CD160: variants seen among roughly 807,000 people sequenced by gnomAD.
CD160 encodes the protein CD160 antigen.
Under a neutral mutation model 19.2 loss-of-function variants are expected in CD160, and 11 were observed. That is an observed-to-expected ratio of 0.57 (90% CI 0.36 to 0.95). CD160 has a LOEUF of 0.95. CD160 is among the 40% of genes least tolerant of loss of function. The pLI, the probability that CD160 is intolerant of heterozygous loss-of-function variation, is 0.01. For synonymous variants in CD160, 75 were observed against 81.1 expected, an observed-to-expected ratio of 0.93 and a Z score of 0.40; for missense variants, 182 against 213.2, an observed-to-expected ratio of 0.85 and a Z score of 0.91.
chr1:145,733,813 T>C (rs1657384727), intron 4 of CD160, among the ~76,000 whole-genome samples: 1 of 152,094 alleles, frequency 6.6e-6, no homozygotes, highest in Admixed American at 6.6e-5. Context: ...TTCAACCTTT[T>C]CTCTTTACTC....
chr1:145,722,342 C>T (rs992324264), intron 1 of CD160, among the ~76,000 whole-genome samples: 2 of 152,064 alleles, frequency 1.3e-5, no homozygotes, highest in African/African-American at 4.8e-5. Flanking sequence ...AAGAAACTTG[C>T]CCAATATTAC....
intron 2 of CD160, among the ~76,000 whole-genome samples, chr1:145,725,398 T>C (rs1322545371): frequency 6.6e-6 from 1 of 152,056 alleles, no homozygotes; most frequent in Non-Finnish European, 1.5e-5. Flanking sequence ...TAAGCCAAGA[T>C]CGTGCCACTG....
chr1:145,737,384 C>A (rs1657540491), intron 5 of CD160: 1 of 152,238 alleles, frequency 6.6e-6, no homozygotes, highest in South Asian at 2.1e-4. Flanking sequence ...TTCACCACCC[C>A]ATTCATTCTG....
chr1:145,737,770 A>AAT lies in CD160; in HGVS notation c.539-716_539-715insAT, dbSNP rs1256107626. On this transcript the variant is annotated intron_variant, in intron 5 of 5. Coordinates refer to ENST00000369288, the MANE Select transcript of CD160 (RefSeq NM_007053.4). ...CTAGAGCAAAAAAAAAAAAAAAAAA[A>AAT]TCATCTCTGGCCTTTTTTTCCTTTT... 2.6e-5 allele frequency: 4 copies of AAT among 151,044 alleles called. No individual in the cohort carries two copies. In the East Asian group the frequency reaches 7.7e-4, roughly 29 times the overall value. 9.4% of individuals were successfully genotyped at this position (151,044 alleles called of 1,614,324 possible).
At chr1:145,733,327 C>A (rs1035656243) in intron 4 of CD160, among the ~76,000 whole-genome samples, 1 of 152,104 alleles carries the variant, frequency 6.6e-6, no homozygotes, top group East Asian at 1.9e-4. Context: ...TTAGTTGAGA[C>A]GGGGTTTTGC....
chr1:145,731,235 C>T (rs1553709213), intron 4 of CD160, among the ~76,000 whole-genome samples, 165 bp downstream of exon 4: 1 of 152,196 alleles, frequency 6.6e-6, no homozygotes, highest in African/African-American at 2.4e-5. Flanking sequence ...AGCGCACACA[C>T]AAACATAATC....
At chr1:145,729,425 G>C (rs966789171) in intron 3 of CD160, among the ~76,000 whole-genome samples, 1 of 152,224 alleles carries the variant, frequency 6.6e-6, no homozygotes, top group African/African-American at 2.4e-5. Flanking sequence ...TTTCAGCAGA[G>C]AGCTGGATTT....
intron 4 of CD160, among the ~76,000 whole-genome samples, chr1:145,734,279 A>T (rs782289660): frequency 5.1e-4 from 78 of 152,152 alleles, no homozygotes; most frequent in Non-Finnish European, 1.0e-3. Flanking sequence ...CACCTACCAC[A>T]GGGCCTAGCA....
chr1:145,728,491 A>C (rs1657145641), intron 3 of CD160, 91 bp downstream of exon 3: 4 of 759,058 alleles, frequency 5.3e-6, no homozygotes, highest in African/African-American at 3.7e-5. Context: ...TAGTGGGGAA[A>C]CAAAGGACTC....
intron 3 of CD160, 131 bp downstream of exon 3, chr1:145,728,531 T>A: frequency 2.7e-5 from 14 of 526,650 alleles, no homozygotes; most frequent in Non-Finnish European, 4.4e-5. Flanking sequence ...TTTGAGGGAG[T>A]CTCGCTCTGT....
At chr1:145,737,741 C>T (rs1219796714) in intron 5 of CD160, 20 of 125,006 alleles carry the variant, frequency 1.6e-4, no homozygotes, top group African/African-American at 6.8e-4. Flanking sequence ...ATTCCCAAGT[C>T]ATCCTAGAGC....
intron 4 of CD160, among the ~76,000 whole-genome samples, chr1:145,734,195 A>G (rs1428338609): frequency 6.6e-6 from 1 of 152,090 alleles, no homozygotes; most frequent in East Asian, 1.9e-4. Context: ...CACACTTAAC[A>G]TATTCCTATA....
intron 1 of CD160, among the ~76,000 whole-genome samples, chr1:145,723,799 G>A (rs1367646746): frequency 6.6e-6 from 1 of 152,104 alleles, no homozygotes; most frequent in African/African-American, 2.4e-5. Context: ...GGCCAGGCTG[G>A]TCTCGAACTC....
In CD160 at chr1:145,736,096, T is replaced by G. The variant is rs782664207; in HGVS notation, c.500T>G (p.Val167Gly). Residue 167 changes from valine (V) to glycine (G), a missense_variant, in exon 5 of 6, where the codon GTC (valine) becomes GGC (glycine). Physicochemically the swap from Val to Gly is moderately radical, Grantham distance 109. Transcript: ENST00000369288. ...TLSSGFLQEK[V>G]WVMLVTSLVA... ...AGTTCAGGCTTCCTACAAGAAAAGG[T>G]CTGGGTAATGCTGGTCACCAGCCTT... 6.2e-7 allele frequency: 1 copy of G among 1,614,002 alleles called. No individual in the cohort carries two copies. Among genetic ancestry groups the G allele is most frequent in the East Asian group, 2.2e-5 (1 of 44,874 alleles).
At chr1:145,731,410 C>T (rs1161620379) in intron 4 of CD160, among the ~76,000 whole-genome samples, 1 of 152,132 alleles carries the variant, frequency 6.6e-6, no homozygotes, top group South Asian at 2.1e-4. Context: ...GTGGCTCATG[C>T]CTGTAATCCC....
At chr1:145,736,300 G>T in intron 5 of CD160, 166 bp downstream of exon 5, 3 of 1,546,714 alleles carry the variant, frequency 1.9e-6, no homozygotes, top group Non-Finnish European at 1.7e-6. Flanking sequence ...CAGTTTCACT[G>T]ATCCAAAGGC....
intron 4 of CD160, among the ~76,000 whole-genome samples, chr1:145,734,585 C>T (rs1657410549): frequency 6.6e-6 from 1 of 152,170 alleles, no homozygotes; most frequent in Non-Finnish European, 1.5e-5. Context: ...CCAGGCCCAG[C>T]GCTATGCCTT....
chr1:145,738,084 G>A (rs1398886152), intron 5 of CD160: 2 of 156,138 alleles, frequency 1.3e-5, no homozygotes, highest in Non-Finnish European at 2.8e-5. Context: ...GGAAAAGGAG[G>A]AGGGAGTTTC....
chr1:145,726,108 G>A (rs1297356556), intron 2 of CD160, among the ~76,000 whole-genome samples: 3 of 152,196 alleles, frequency 2.0e-5, no homozygotes, highest in East Asian at 1.9e-4. Flanking sequence ...AAGATGTGGA[G>A]AAATAGGAAT....
Sources: allele counts gnomAD v4.1 joint callset (sites outside exome capture counted in the v4.1 genomes callset), GRCh38; gene constraint gnomAD v4.1.1; transcripts MANE v1.5; gene names NCBI Gene and HGNC (gene_info 2026-07-23, HGNC 2026-07-21).